Variants in HYDIN observed in about 807,000 individuals in gnomAD.
HYDIN encodes HYDIN axonemal central pair apparatus protein.
A neutral mutation model predicts 403.9 loss-of-function variants in HYDIN; 132 were observed. The ratio of observed to expected loss-of-function variants is 0.33; its 90% CI spans 0.28 to 0.38. HYDIN has a LOEUF of 0.38. Ranked by LOEUF, HYDIN falls within the 10% of genes least tolerant of loss-of-function variation. The pLI is 1.00. For missense variants in HYDIN, 2,827 were observed against 5,009.5 expected (o/e 0.56, Z 13.15); for synonymous variants, 1,202 against 1,891.7 (o/e 0.64, Z 9.46).
At chr16:70,938,978 A>G (rs1261751504) in intron 43 of HYDIN, among the ~76,000 whole-genome samples, 1 of 152,136 alleles carries the variant, frequency 6.6e-6, no homozygotes, top group Non-Finnish European at 1.5e-5. Context: ...CCCATATCAG[A>G]TTACTCAGAA....
chr16:70,917,177 C>T (rs983902723), intron 47 of HYDIN, among the ~76,000 whole-genome samples: 3 of 152,268 alleles, frequency 2.0e-5, no homozygotes, highest in Admixed American at 6.5e-5. Context: ...CCACCTCAAC[C>T]TCCCAAAGTG....
chr16:71,149,517 ATTTT>A (rs1202247287), intron 7 of HYDIN, among the ~76,000 whole-genome samples: 1 of 150,758 alleles, frequency 6.6e-6, no homozygotes, highest in African/African-American at 2.4e-5. Context: ...TGGTTATTTT[ATTTT>A]TTATTTTTTA....
At chr16:70,996,252 C>G (rs1483710950) in intron 23 of HYDIN, among the ~76,000 whole-genome samples, 1 of 152,216 alleles carries the variant, frequency 6.6e-6, no homozygotes, top group African/African-American at 2.4e-5. Context: ...CTCAATAAGT[C>G]ACCTCAAGAA....
intron 58 of HYDIN, among the ~76,000 whole-genome samples, chr16:70,885,542 G>A (rs2041078169): frequency 6.6e-6 from 1 of 152,074 alleles, no homozygotes. Context: ...AGCTAGAAGA[G>A]ATGGAAGCAG....
intron 18 of HYDIN, among the ~76,000 whole-genome samples, chr16:71,049,017 T>C (rs1295632711): frequency 1.3e-5 from 2 of 152,254 alleles, no homozygotes; most frequent in African/African-American, 2.4e-5. Flanking sequence ...CTTTAAAACA[T>C]GTCCCTTACA....
At position 70,807,398 on chromosome 16, in the gene HYDIN, G is replaced by C; in HGVS notation, c.*182C>G. ...TAGAGCTGTTGTGTGTAGTTATAAT[G>C]TTTAATATGGAATAGATATTTCATA... On this transcript the variant is annotated 3_prime_UTR_variant, in exon 86 of 86. Coordinates refer to ENST00000393567, the MANE Select transcript of HYDIN (RefSeq NM_001270974.2). 1.5e-6 allele frequency: 1 copy of C among 646,904 alleles called. No individual in the cohort carries two copies. Among genetic ancestry groups the C allele is most frequent in the Non-Finnish European group, 2.6e-6 (1 of 390,234 alleles). 40.1% of individuals were successfully genotyped at this position (646,904 alleles called of 1,614,324 possible).
At chr16:70,919,587 CA>C in intron 46 of HYDIN, among the ~76,000 whole-genome samples, 1 of 152,204 alleles carries the variant, frequency 6.6e-6, no homozygotes, top group South Asian at 2.1e-4. Context: ...AAAGTTGACT[CA>C]TGCCTGTAAT....
Position 70,894,538 on chromosome 16 carries a change from C to T in HYDIN, c.9159G>A (p.Gly3053=). ...CCCTGACAATCCCAAAATCCAGTCC[C>T]CCTTCAGCTCCTGCAGAGACCAGGG... ...LDITFPKGAE[G]GLDFGIVRVT... The change falls in exon 55 of 86, where the codon GGG becomes GGA. Residue 3053 remains glycine, a synonymous_variant. Transcript: ENST00000393567. 1 of 1,574,640 alleles carries T rather than the reference C, an allele frequency of 6.4e-7. No homozygotes were observed. Among genetic ancestry groups the T allele is most frequent in the Non-Finnish European group, 8.6e-7 (1 of 1,162,252 alleles).
At chr16:71,213,147 C>T (rs1185064161) in intron 1 of HYDIN, among the ~76,000 whole-genome samples, 1 of 152,010 alleles carries the variant, frequency 6.6e-6, no homozygotes, top group African/African-American at 2.4e-5. Context: ...CTGGGGAATT[C>T]ACCTTGGCAG....
intron 45 of HYDIN, among the ~76,000 whole-genome samples, chr16:70,931,427 G>C (rs1045844845): frequency 3.3e-5 from 5 of 151,926 alleles, no homozygotes; most frequent in East Asian, 1.9e-4. Context: ...TTTTGCTAAC[G>C]TTAGTGTTGG....
At chr16:70,932,161 C>T (rs2077361551) in intron 45 of HYDIN, among the ~76,000 whole-genome samples, 1 of 146,790 alleles carries the variant, frequency 6.8e-6, no homozygotes, top group African/African-American at 2.5e-5. Flanking sequence ...TCGAGACCAG[C>T]CTAGCCAACA....
chr16:70,868,544 G>C, intron 66 of HYDIN, 26 bp downstream of exon 66: 1 of 1,599,982 alleles, frequency 6.3e-7, no homozygotes, highest in Non-Finnish European at 8.5e-7. Context: ...GGCCTGGTCA[G>C]ATTGGTGCTT....
At chr16:71,031,044 C>CA (rs1258225565) in intron 19 of HYDIN, among the ~76,000 whole-genome samples, 1 of 149,740 alleles carries the variant, frequency 6.7e-6, no homozygotes, top group African/African-American at 2.5e-5. Flanking sequence ...ACTAAAAATA[C>CA]AAAAAATTAG....
chr16:70,904,401 T>C (rs1157956955), intron 50 of HYDIN, among the ~76,000 whole-genome samples: 1 of 131,338 alleles, frequency 7.6e-6, no homozygotes, highest in Non-Finnish European at 1.6e-5. Context: ...CTATGATTAT[T>C]GCAAAGAATC....
At chr16:70,986,540 A>G (rs2079199280) in intron 27 of HYDIN, among the ~76,000 whole-genome samples, 1 of 152,214 alleles carries the variant, frequency 6.6e-6, no homozygotes, top group South Asian at 2.1e-4. Context: ...GCATGCACAC[A>G]ATTCAGTAAT....
At chr16:71,154,248 CTTTTTT>C (rs970754264) in intron 6 of HYDIN, among the ~76,000 whole-genome samples, 48 of 151,574 alleles carry the variant, frequency 3.2e-4, no homozygotes, top group African/African-American at 1.0e-3. Flanking sequence ...CCTCTCTTTT[CTTTTTT>C]TAAGTTTTAA....
At chr16:71,081,387 T>C (rs1373994651) in intron 12 of HYDIN, among the ~76,000 whole-genome samples, 1 of 151,124 alleles carries the variant, frequency 6.6e-6, no homozygotes. Context: ...GAAGTGATTT[T>C]AAAGGGAGTG....
At chr16:70,923,820 CAAA>C (rs11316592) in intron 45 of HYDIN, among the ~76,000 whole-genome samples, 3 of 50,394 alleles carry the variant, frequency 6.0e-5, no homozygotes, top group Middle Eastern at 0.012. Flanking sequence ...GACTCTGTCT[CAAA>C]AAAAAAAAAA....
At chr16:70,978,193 C>T (rs951584140) in intron 30 of HYDIN, among the ~76,000 whole-genome samples, 2 of 151,944 alleles carry the variant, frequency 1.3e-5, no homozygotes, top group Admixed American at 6.6e-5. Flanking sequence ...CTCCTTACCC[C>T]GTCATCCAAG....
Sources: allele counts gnomAD v4.1 joint callset (sites outside exome capture counted in the v4.1 genomes callset), GRCh38; gene constraint gnomAD v4.1.1; transcripts MANE v1.5; gene names NCBI Gene and HGNC (gene_info 2026-07-23, HGNC 2026-07-21).